Variants in RBFOX1 observed in about 807,000 individuals in gnomAD.
RBFOX1 encodes RNA binding protein fox-1 homolog 1.
In RBFOX1, 8 loss-of-function variants were observed where a neutral mutation model predicts 57.7. That is an observed-to-expected ratio of 0.14 (90% CI 0.08 to 0.25). The LOEUF (loss-of-function observed/expected upper bound fraction) is 0.25, where lower values mean the gene tolerates loss of function less well. Among genes scored for constraint, RBFOX1 ranks in the 10% least tolerant of loss-of-function variants. RBFOX1 has a pLI of 1.00. For missense variants in RBFOX1, 611 were observed against 548.5 expected, an observed-to-expected ratio of 1.11 and a Z score of -1.14; for synonymous variants, 326 against 222.4, an observed-to-expected ratio of 1.47 and a Z score of -4.15.
chr16:6,844,146 A>G (rs1331757604), intron 3 of RBFOX1, among the ~76,000 whole-genome samples: 1 of 146,694 alleles, frequency 6.8e-6, no homozygotes, highest in South Asian at 2.1e-4. Context: ...CTCCATCATT[A>G]CCCCTACAGG....
chr16:6,160,102 G>C (rs867110360), intron 1 of RBFOX1, among the ~76,000 whole-genome samples: 1 of 152,128 alleles, frequency 6.6e-6, no homozygotes, highest in Non-Finnish European at 1.5e-5. Flanking sequence ...AGGCCAGTCT[G>C]ACATCTTAAC....
At chr16:6,635,305 G>C (rs981754128) in intron 2 of RBFOX1, among the ~76,000 whole-genome samples, 3 of 151,824 alleles carry the variant, frequency 2.0e-5, no homozygotes, top group Admixed American at 6.6e-5. Flanking sequence ...TCTCTGAGTA[G>C]CTGATAACTT....
At chr16:6,329,911 C>T (rs369021515) in intron 2 of RBFOX1, among the ~76,000 whole-genome samples, 32 of 152,150 alleles carry the variant, frequency 2.1e-4, no homozygotes, top group African/African-American at 7.7e-4. Flanking sequence ...GCACTCCAGC[C>T]TGGGTGACAG....
At chr16:6,267,177 G>T (rs1465909496) in intron 1 of RBFOX1, among the ~76,000 whole-genome samples, 2 of 151,970 alleles carry the variant, frequency 1.3e-5, no homozygotes, top group African/African-American at 4.8e-5. Context: ...TCAGGAATCT[G>T]AAAAAGGGGG....
At chr16:6,889,799 A>G (rs2064993675) in intron 3 of RBFOX1, among the ~76,000 whole-genome samples, 1 of 152,210 alleles carries the variant, frequency 6.6e-6, no homozygotes. Flanking sequence ...AGATTTTAGG[A>G]GTTCTATAAG....
chr16:7,154,688 TGTGTGTGTGTGTGTGTGTG>T (rs1567484828), intron 4 of RBFOX1, among the ~76,000 whole-genome samples: 32 of 5,166 alleles, frequency 6.2e-3, no homozygotes, highest in Non-Finnish European at 2.8e-3. Context: ...TCTTCCTTTG[TGTGTGTGTGTGTGTGTGTG>T]TGTGTGTGTG....
chr16:5,900,191 A>G (rs1014559166), intron 4 of RBFOX1, among the ~76,000 whole-genome samples: 1 of 152,170 alleles, frequency 6.6e-6, no homozygotes. Context: ...ATTACACTCC[A>G]AATGTCATGG....
At chr16:7,296,769 G>A (rs752684287) in intron 4 of RBFOX1, among the ~76,000 whole-genome samples, 36 of 152,134 alleles carry the variant, frequency 2.4e-4, no homozygotes, top group Admixed American at 9.8e-4. Flanking sequence ...GGTGCAGACT[G>A]AAATCCACAA....
At chr16:6,275,494 A>G (rs539894058) in intron 1 of RBFOX1, among the ~76,000 whole-genome samples, 1 of 152,218 alleles carries the variant, frequency 6.6e-6, no homozygotes, top group South Asian at 2.1e-4. Context: ...AATTATTAAC[A>G]CCTTTATTTT....
intron 4 of RBFOX1, among the ~76,000 whole-genome samples, chr16:7,344,241 C>G (rs1235017651): frequency 2.0e-5 from 3 of 149,420 alleles, no homozygotes; most frequent in Non-Finnish European, 3.0e-5. Context: ...ATACCAAAGT[C>G]ATTTCTGAGG....
intron 2 of RBFOX1, among the ~76,000 whole-genome samples, chr16:6,489,358 C>T (rs572573786): frequency 7.2e-5 from 11 of 152,100 alleles, no homozygotes; most frequent in South Asian, 2.1e-4. Context: ...TTATATTTGC[C>T]GAGCACTCTT....
rs34409151 is a variant in RBFOX1 at position 5,571,215 on chromosome 16, CTT to C, written c.259-27665_259-27664del. 4.3e-4 allele frequency among the ~76,000 whole-genome samples: 34 copies of C among 79,814 alleles called. No homozygotes were observed. The East Asian group carries it at 7.8e-3, about 18-fold the overall frequency. 52.4% of individuals were successfully genotyped at this position (79,814 alleles called of 152,430 possible). A position where few individuals can be genotyped will look rare whatever the true frequency, so the allele number is the denominator to read the frequency against. On this transcript the variant is annotated intron_variant, in intron 2 of 2. Transcript: ENST00000585867. Reference sequence around the variant, plus strand: ...TGGTAGTGAAGTGACCCATCTTTGACTTTTTTTTTTTTTTTTTTTTTTTGAGA... The same window carrying C: ...TGGTAGTGAAGTGACCCATCTTTGACTTTTTTTTTTTTTTTTTTTTTGAGA...
intron 4 of RBFOX1, among the ~76,000 whole-genome samples, chr16:7,507,863 G>A (rs1406373612): frequency 2.0e-5 from 3 of 148,046 alleles, no homozygotes; most frequent in Admixed American, 6.7e-5. Flanking sequence ...GCGCCCGGCC[G>A]GAATCTGTTA....
intron 4 of RBFOX1, among the ~76,000 whole-genome samples, chr16:7,316,094 A>T (rs1208297361): frequency 6.6e-6 from 1 of 152,252 alleles, no homozygotes; most frequent in African/African-American, 2.4e-5. Flanking sequence ...CCAAAAAAAT[A>T]AAATCACATT....
intron 1 of RBFOX1, among the ~76,000 whole-genome samples, chr16:6,177,758 A>T (rs1336554364): frequency 6.6e-6 from 1 of 152,124 alleles, no homozygotes; most frequent in Admixed American, 6.6e-5. Context: ...AGTACACCCA[A>T]GCACGCAGTC....
rs796774370 is a variant in RBFOX1 at position 7,693,485 on chromosome 16, A to T, written c.996-15571A>T. On this transcript the variant is annotated intron_variant, in intron 14 of 15. Coordinates refer to ENST00000550418, the MANE Select transcript of RBFOX1 (RefSeq NM_018723.4). ...CTCTAGAAAGTTTAGTTAAGAAAAA[A>T]AAAAAAGATCTTATATCTTTGGAGT... 6.2e-5 allele frequency: 48 copies of T among 773,252 alleles called. No individual in the cohort carries two copies. In the African/African-American group the frequency reaches 7.7e-4, roughly 12 times the overall value. 47.9% of individuals were successfully genotyped at this position (773,252 alleles called of 1,614,324 possible).
chr16:7,172,537 G>T (rs1300353440), intron 4 of RBFOX1, among the ~76,000 whole-genome samples: 1 of 152,172 alleles, frequency 6.6e-6, no homozygotes, highest in East Asian at 1.9e-4. Flanking sequence ...ACTACCTCCT[G>T]AGAAATTGTG....
chr16:6,941,265 T>TCTCTCCCATTC (rs1567989938), intron 3 of RBFOX1, among the ~76,000 whole-genome samples: 9 of 106,332 alleles, frequency 8.5e-5, no homozygotes, highest in African/African-American at 3.3e-4. Context: ...CCCTCCCATT[T>TCTCTCCCATTC]CCTCTCTCCC....
intron 4 of RBFOX1, among the ~76,000 whole-genome samples, chr16:7,338,383 A>G (rs1018189887): frequency 1.3e-5 from 2 of 152,064 alleles, no homozygotes; most frequent in Non-Finnish European, 1.5e-5. Flanking sequence ...AAGAAACCCT[A>G]TACTCCATGT....
Sources: allele counts gnomAD v4.1 joint callset (sites outside exome capture counted in the v4.1 genomes callset), GRCh38; gene constraint gnomAD v4.1.1; transcripts MANE v1.5; gene names NCBI Gene and HGNC (gene_info 2026-07-23, HGNC 2026-07-21).